MAP3K19: variants seen among roughly 807,000 people sequenced by gnomAD.
MAP3K19 encodes mitogen-activated protein kinase kinase kinase 19, also known as SPS1/STE20-related protein kinase YSK4.
A neutral mutation model predicts 114.4 loss-of-function variants in MAP3K19; 91 were observed. The ratio of observed to expected loss-of-function variants is 0.80; its 90% confidence interval spans 0.67 to 0.95. The LOEUF (loss-of-function observed/expected upper bound fraction) is 0.95, where lower values mean the gene tolerates loss of function less well. Ranked by LOEUF, MAP3K19 falls within the 40% of genes least tolerant of loss-of-function variation. The probability of loss-of-function intolerance (pLI) is 0.00; values close to 1 mark genes in which losing one functional copy is unlikely to be tolerated. For synonymous variants in MAP3K19, 518 were observed against 530.5 expected, an observed-to-expected ratio of 0.98 and a Z score of 0.32; for missense variants, 1,471 against 1,573.2, an observed-to-expected ratio of 0.94 and a Z score of 1.10.
chr2:135,008,743 A>C (rs889985319), intron 5 of MAP3K19, among the ~76,000 whole-genome samples: 1 of 151,868 alleles, frequency 6.6e-6, no homozygotes, highest in African/African-American at 2.4e-5. Flanking sequence ...TTAATTAATT[A>C]TTATTGTTTT....
At chr2:134,997,804 C>A (rs61553758) in intron 8 of MAP3K19, among the ~76,000 whole-genome samples, 1 of 142,990 alleles carries the variant, frequency 7.0e-6, no homozygotes, top group Non-Finnish European at 1.5e-5. Context: ...GGTGACAGAG[C>A]GAGACTCCGT....
At position 134,988,015 on chromosome 2, in the gene MAP3K19, G is replaced by A. The variant is rs923551681; in HGVS notation, c.857C>T (p.Ser286Leu). Reference protein sequence around the residue: ...TLRSSDGFIWSRNMCSFPKTN... With the variant: ...TLRSSDGFIWLRNMCSFPKTN... ...CTTAGGAAAAGAGCACATGTTTCTT[G>A]ACCAAATGAAGCCATCAGAAGACCT... Residue 286 changes from serine to leucine, a missense_variant, in exon 10 of 13, where the codon TCA (serine) becomes TTA (leucine). Ser to Leu is a moderately radical substitution (Grantham distance 145). Transcript: ENST00000392915. 6 of 1,613,954 alleles carry A rather than the reference G, an allele frequency of 3.7e-6. No individual in the cohort carries two copies. Among genetic ancestry groups the A allele is most frequent in the East Asian group, 4.5e-5 (2 of 44,896 alleles).
chr2:134,986,006 T>G lies in MAP3K19; in HGVS notation c.2866A>C (p.Ile956Leu), dbSNP rs760627903. The stretch of plus-strand genomic sequence containing the variant: ...TCTTCATTATTTACAGAGTCCATAA[T>G]TTCTTGGGAAATTGAATTTGTGCCA... Reference protein sequence around the residue: ...LSGTNSISQEIMDSVNNEELT... With the variant: ...LSGTNSISQELMDSVNNEELT... The change falls in exon 10 of 13, where the codon ATT (isoleucine) becomes CTT (leucine). Residue 956 changes from isoleucine (I) to leucine (L), a missense_variant. By Grantham distance (5) the Ile-to-Leu change is conservative. Coordinates refer to ENST00000392915, the MANE Select transcript of MAP3K19 (RefSeq NM_025052.5). The G allele has an allele frequency of 6.2e-7, 1 of 1,613,342 alleles. No individual in the cohort carries two copies. The highest frequency in any genetic ancestry group is 2.2e-5 in the East Asian group (1 of 44,872).
intron 8 of MAP3K19, among the ~76,000 whole-genome samples, chr2:134,997,792 C>G (rs1686111158): frequency 2.0e-5 from 2 of 102,062 alleles, no homozygotes; most frequent in Admixed American, 2.1e-4. Flanking sequence ...GTGCTCCAGC[C>G]TGGTGACAGA....
intron 4 of MAP3K19, chr2:135,023,441 G>C: frequency 1.9e-6 from 1 of 533,230 alleles, no homozygotes; most frequent in South Asian, 1.4e-5. Context: ...TCTCTGTAGA[G>C]AACTCCCAAA....
At chr2:135,000,303 C>G (rs533261428) in intron 6 of MAP3K19, among the ~76,000 whole-genome samples, 2 of 152,134 alleles carry the variant, frequency 1.3e-5, no homozygotes, top group Non-Finnish European at 2.9e-5. Flanking sequence ...ACAGAACCAC[C>G]TTCTATAAAG....
At chr2:135,031,787 G>A (rs991140846) in intron 2 of MAP3K19, among the ~76,000 whole-genome samples, 9 of 152,134 alleles carry the variant, frequency 5.9e-5, no homozygotes, top group African/African-American at 2.2e-4. Context: ...TTAGGAGGTG[G>A]AATTAACAAA....
chr2:135,003,102 G>A (rs1025486651), intron 6 of MAP3K19, among the ~76,000 whole-genome samples: 9 of 152,164 alleles, frequency 5.9e-5, no homozygotes, highest in Non-Finnish European at 8.8e-5. Flanking sequence ...GTGCACAGAG[G>A]AAAGACCACG....
chr2:134,986,432 A>G lies in MAP3K19; in HGVS notation c.2440T>C (p.Ser814Pro), dbSNP rs1421386998. Reference sequence around the variant, plus strand: ...CTATCACCAGTAGACTCTTCCATAGAAACTTCTTCAACAATGGATAAATCT... The same window carrying G: ...CTATCACCAGTAGACTCTTCCATAGGAACTTCTTCAACAATGGATAAATCT... ...VSDLSIVEEV[S>P]MEESTGDRDI... Residue 814 changes from serine (S) to proline (P), a missense_variant, in exon 10 of 13, where the codon TCT (serine) becomes CCT (proline). Transcript: ENST00000392915. The G allele has an allele frequency of 2.5e-6, 4 of 1,613,920 alleles. No homozygotes were observed. Among genetic ancestry groups the G allele is most frequent in the Non-Finnish European group, 3.4e-6 (4 of 1,180,036 alleles).
intron 6 of MAP3K19, 42 bp downstream of exon 6, chr2:135,005,393 A>G: frequency 7.1e-7 from 1 of 1,404,360 alleles, no homozygotes; most frequent in Non-Finnish European, 1.0e-6. Context: ...CCCATATGAT[A>G]ATGTTATCTT....
chr2:135,013,014 C>A (rs746898683), intron 5 of MAP3K19, among the ~76,000 whole-genome samples: 1 of 151,986 alleles, frequency 6.6e-6, no homozygotes, highest in Non-Finnish European at 1.5e-5. Flanking sequence ...TTTAAGTTCA[C>A]AGAGAAATTA....
In MAP3K19 at chr2:135,024,541, T is replaced by C. The variant is rs1688179278; in HGVS notation, c.22+85A>G. ...CGTGGACTTGATTTCTTTAAATGGATCCATCAAACAGATGTAGAAAAAGAA... is the reference window on the plus strand; with the variant it reads ...CGTGGACTTGATTTCTTTAAATGGACCCATCAAACAGATGTAGAAAAAGAA... On this transcript the variant is annotated intron_variant, in intron 4 of 12. Transcript: ENST00000392915. The C allele has an allele frequency of 5.0e-6, 6 of 1,207,452 alleles. No homozygotes were observed. In the East Asian group the frequency reaches 1.4e-4, roughly 28 times the overall value. The allele number at this position is 1,207,452 out of a possible 1,614,324, so 74.8% of individuals were successfully genotyped here. A position where few individuals can be genotyped will look rare whatever the true frequency, so the allele number is the denominator to read the frequency against.
At chr2:134,969,407 A>G (rs1477274983) in intron 12 of MAP3K19, among the ~76,000 whole-genome samples, 2 of 151,388 alleles carry the variant, frequency 1.3e-5, no homozygotes, top group Admixed American at 6.6e-5. Flanking sequence ...GGAGAGGGAG[A>G]GCTTTTGTGT....
chr2:134,985,697 T>G, intron 10 of MAP3K19, 103 bp downstream of exon 10: 1 of 1,048,790 alleles, frequency 9.5e-7, no homozygotes, highest in Non-Finnish European at 1.4e-6. Context: ...ACTATTTAAT[T>G]GTTTAGGGTT....
chr2:134,983,832 G>T lies in MAP3K19; in HGVS notation c.3073-7C>A. Reference sequence around the variant, plus strand: ...TGAGCCCACTACTATGCCTCTGGAAGAATGAGACAAAAGGAAAGATGACCA... The same window carrying T: ...TGAGCCCACTACTATGCCTCTGGAATAATGAGACAAAAGGAAAGATGACCA... On this transcript the variant is annotated splice_polypyrimidine_tract_variant and splice_region_variant and intron_variant, in intron 10 of 12. Transcript: ENST00000392915. 2 of 1,550,732 alleles carry T rather than the reference G, an allele frequency of 1.3e-6. No individual in the cohort carries two copies. Among genetic ancestry groups the T allele is most frequent in the South Asian group, 1.2e-5 (1 of 81,790 alleles).
intron 2 of MAP3K19, 57 bp from the exon 3 acceptor site, chr2:135,030,557 G>A (rs1688356150): frequency 1.3e-5 from 2 of 152,690 alleles, no homozygotes; most frequent in Non-Finnish European, 1.5e-5. Flanking sequence ...TGTCTTCAGA[G>A]CTGGGTGGAA....
intron 8 of MAP3K19, among the ~76,000 whole-genome samples, chr2:134,992,212 T>C (rs968878924): frequency 6.6e-6 from 1 of 152,184 alleles, no homozygotes; most frequent in Non-Finnish European, 1.5e-5. Flanking sequence ...CTTAGTTTCC[T>C]AGTGTTTTTT....
At position 134,988,060 on chromosome 2, in the gene MAP3K19, G is replaced by C. The variant is rs200938524; in HGVS notation, c.812C>G (p.Ser271Trp). The change falls in exon 10 of 13, where the codon TCG becomes TGG. Residue 271 changes from serine to tryptophan, a missense_variant. Transcript: ENST00000392915. ...AGACCTGAGAGTCGGATCCATCAACGACTTAACTAGGGCTCCCGGAGGCTC... is the reference window on the plus strand; with the variant it reads ...AGACCTGAGAGTCGGATCCATCAACCACTTAACTAGGGCTCCCGGAGGCTC... The part of the protein sequence containing the change: ...SNEPPGALVK[S>W]LMDPTLRSSD... 6.2e-7 allele frequency: 1 copy of C among 1,613,570 alleles called. No individual in the cohort carries two copies. The highest frequency in any genetic ancestry group is 2.2e-5 in the East Asian group (1 of 44,884).
chr2:134,969,043 A>C (rs1204864924), intron 12 of MAP3K19, among the ~76,000 whole-genome samples: 1 of 152,098 alleles, frequency 6.6e-6, no homozygotes, highest in Non-Finnish European at 1.5e-5. Flanking sequence ...ACGCCGCTGC[A>C]CTCCAGCCTG....
Sources: gnomAD v4.1 joint callset for allele counts (sites outside exome capture counted in the v4.1 genomes callset) on GRCh38, gnomAD v4.1.1 for gene constraint, MANE v1.5 for transcripts, NCBI Gene and HGNC (gene_info 2026-07-23, HGNC 2026-07-21) for gene names.